PARP14: variants seen among roughly 807,000 people sequenced by gnomAD.
PARP14 encodes the protein protein mono-ADP-ribosyltransferase PARP14.
PARP14 carries 59 observed loss-of-function variants against 154.2 expected under a neutral mutation model. The ratio of observed to expected loss-of-function variants is 0.38; its 90% confidence interval spans 0.31 to 0.48. The LOEUF (loss-of-function observed/expected upper bound fraction) is 0.48. Ranked by LOEUF, PARP14 falls within the 20% of genes least tolerant of loss-of-function variation. The pLI, the probability that PARP14 is intolerant of heterozygous loss-of-function variation, is 0.98. For synonymous variants in PARP14, 720 were observed against 780.5 expected, an observed-to-expected ratio of 0.92 and a Z score of 1.29; for missense variants, 1,734 against 2,131.6, an observed-to-expected ratio of 0.81 and a Z score of 3.67.
In PARP14 at chr3:122,714,271, G is replaced by T; in HGVS notation, c.3842G>T (p.Arg1281Leu). 1.3e-6 allele frequency: 2 copies of T among 1,594,378 alleles called. No homozygotes were observed. The highest frequency in any genetic ancestry group is 1.4e-5 in the African/African-American group (1 of 73,436). Residue 1281 changes from arginine to leucine, a missense_variant, in exon 12 of 17, where the codon CGC (arginine) becomes CTC (leucine). By Grantham distance (102) the Arg-to-Leu change is moderately radical. Transcript: ENST00000474629. ...ERECSQQAQQ[R>L]KNDYIITGGG... ...TGTCTGTGTTTCCCAGCTCAGCAGC[G>T]CAAAAATGATTATATAATCACCGGA...
chr3:122,728,266 A>G (rs761652252), intron 16 of PARP14, 42 bp from the exon 17 acceptor site: 1 of 1,538,840 alleles, frequency 6.5e-7, no homozygotes, highest in Non-Finnish European at 8.9e-7. Flanking sequence ...ATCAAATTTT[A>G]CATTAACTTG....
At position 122,713,957 on chromosome 3, in the gene PARP14, G is replaced by C. The variant is rs748137214; in HGVS notation, c.3832+23G>C. 2.7e-5 allele frequency: 42 copies of C among 1,573,962 alleles called. No homozygotes were observed. In the Middle Eastern group the frequency reaches 5.0e-4, roughly 19 times the overall value. ...AAGGTAAGGCATATTCTATTTTTTG[G>C]TCCTAAGTTGTAATTGTATGGGAGG... is the stretch of plus-strand genomic sequence containing the variant. On this transcript the variant is annotated intron_variant, in intron 11 of 16. Coordinates refer to ENST00000474629, the MANE Select transcript of PARP14 (RefSeq NM_017554.3).
At chr3:122,704,883 G>A (rs1939103869) in intron 8 of PARP14, 135 bp downstream of exon 8, 1 of 606,276 alleles carries the variant, frequency 1.6e-6, no homozygotes, top group South Asian at 2.1e-5. Flanking sequence ...TATACTTGTA[G>A]TTGTAGTTGT....
intron 12 of PARP14, among the ~76,000 whole-genome samples, chr3:122,715,482 C>T (rs1297788076): frequency 1.3e-5 from 2 of 152,144 alleles, no homozygotes; most frequent in African/African-American, 4.8e-5. Context: ...GTCTATTTTA[C>T]AACTTTTCTA....
rs376393298 is a variant in PARP14, at chr3:122,723,185, C to T, written c.4941+2797C>T. Reference sequence around the variant, plus strand: ...GAACTCCTGACCTCAAGTGATCCCCCCGCCTGGGCCTCCCAAAGTGTTGGG... The same window carrying T: ...GAACTCCTGACCTCAAGTGATCCCCTCGCCTGGGCCTCCCAAAGTGTTGGG... On this transcript the variant is annotated intron_variant, in intron 15 of 16. Transcript: ENST00000474629. Among the ~76,000 whole-genome samples the T allele has an allele frequency of 6.6e-5, 10 of 152,272 alleles. No homozygotes were observed. In the East Asian group the frequency reaches 7.7e-4, roughly 12 times the overall value.
chr3:122,709,402 G>A (rs1407568939), intron 9 of PARP14, among the ~76,000 whole-genome samples: 1 of 152,206 alleles, frequency 6.6e-6, no homozygotes, highest in African/African-American at 2.4e-5. Context: ...TTTTATGGCT[G>A]AAGAGTATTC....
At chr3:122,691,102 T>A (rs1313203067) in intron 3 of PARP14, among the ~76,000 whole-genome samples, 1 of 152,200 alleles carries the variant, frequency 6.6e-6, no homozygotes, top group Non-Finnish European at 1.5e-5. Flanking sequence ...TTGAGAAATA[T>A]TGTCCAGGAA....
chr3:122,685,077 C>T (rs1444694095), intron 1 of PARP14, 108 bp from the exon 2 acceptor site: 29 of 1,232,802 alleles, frequency 2.4e-5, no homozygotes, highest in South Asian at 7.0e-5. Context: ...CTTGAGAAAC[C>T]GACCAAGCCA....
intron 3 of PARP14, among the ~76,000 whole-genome samples, chr3:122,687,349 T>C (rs1938404780): frequency 6.6e-6 from 1 of 152,186 alleles, no homozygotes; most frequent in African/African-American, 2.4e-5. Flanking sequence ...GAAGACACCT[T>C]GCAATAGAGG....
chr3:122,719,064 C>T (rs1933082321), intron 14 of PARP14, 106 bp downstream of exon 14: 3 of 1,116,730 alleles, frequency 2.7e-6, no homozygotes, highest in Non-Finnish European at 2.5e-6. Flanking sequence ...ATTCATGTGA[C>T]ACTAATGAAA....
chr3:122,714,270 C>A lies in PARP14; in HGVS notation c.3841C>A (p.Arg1281Ser), dbSNP rs531682578. 1 of 1,594,316 alleles carries A rather than the reference C, an allele frequency of 6.3e-7. No individual in the cohort carries two copies. The highest frequency in any genetic ancestry group is 8.5e-7 in the Non-Finnish European group (1 of 1,174,046). ...TTGTCTGTGTTTCCCAGCTCAGCAG[C>A]GCAAAAATGATTATATAATCACCGG... ...ERECSQQAQQ[R>S]KNDYIITGGG... is the part of the protein sequence containing the mutation. The change falls in exon 12 of 17, where the codon CGC becomes AGC. Residue 1281 changes from arginine to serine, a missense_variant. By Grantham distance (110) the Arg-to-Ser change is moderately radical. Transcript: ENST00000474629.
At chr3:122,685,164 T>C (rs760767861) in intron 1 of PARP14, 21 bp from the exon 2 acceptor site, 6 of 1,607,574 alleles carry the variant, frequency 3.7e-6, no homozygotes, top group Non-Finnish European at 5.1e-6. Flanking sequence ...TTGTCTTTTT[T>C]CCCCCCTTTG....
At chr3:122,715,268 T>C (rs1296499952) in intron 12 of PARP14, among the ~76,000 whole-genome samples, 8 of 152,158 alleles carry the variant, frequency 5.3e-5, no homozygotes, top group Admixed American at 5.2e-4. Flanking sequence ...CTTGTTCCAG[T>C]GCGAGAATAG....
Position 122,718,712 on chromosome 3 carries a change from G to A in PARP14, c.4561G>A (p.Ala1521Thr), listed in dbSNP as rs1253438286. ...IEAMIKRVRLAKEQESRADCI... is the reference protein window; with the variant it reads ...IEAMIKRVRLTKEQESRADCI... ...GGCGATGATCAAGAGAGTTCGATTG[G>A]CCAAAGAACAGGAATCCCGGGCAGA... The change falls in exon 14 of 17, where the codon GCC becomes ACC. Residue 1521 changes from alanine (A) to threonine (T), a missense_variant. By Grantham distance (58) the Ala-to-Thr change is moderately conservative. Around this residue, in one of 2 missense-constraint regions of PARP14, gnomAD observed 1,646 missense variants for 1,976.0 expected, o/e 0.83. Coordinates refer to ENST00000474629, the MANE Select transcript of PARP14 (RefSeq NM_017554.3). The A allele has an allele frequency of 4.3e-6, 7 of 1,613,464 alleles. No homozygotes were observed. The highest frequency in any genetic ancestry group is 5.9e-6 in the Non-Finnish European group (7 of 1,179,626).
chr3:122,704,094 C>T (rs898282230), intron 7 of PARP14, 116 bp downstream of exon 7: 9 of 708,664 alleles, frequency 1.3e-5, no homozygotes, highest in African/African-American at 3.6e-5. Context: ...ATAATAATCA[C>T]TCTTTTGGCA....
chr3:122,719,024 T>C (rs1933080939), intron 14 of PARP14, 66 bp downstream of exon 14: 1 of 1,386,518 alleles, frequency 7.2e-7, no homozygotes, highest in Non-Finnish European at 9.5e-7. Flanking sequence ...CACTATTTGG[T>C]ACGTACATCA....
Position 122,700,135 on chromosome 3 carries a change from G to A in PARP14, c.1581G>A (p.Lys527=). The change falls in exon 6 of 17, where the codon AAG becomes AAA. Residue 527 remains lysine, a synonymous_variant. Coordinates refer to ENST00000474629, the MANE Select transcript of PARP14 (RefSeq NM_017554.3). ...AAGCAAAGTGTGAAATCCAGGAAAA[G>A]GTGTACACCATGGCTCAGAAAAACA... ...VYKAKCEIQE[K]VYTMAQKNIQ... The A allele has an allele frequency of 1.2e-6, 2 of 1,613,644 alleles. No homozygotes were observed. Among genetic ancestry groups the A allele is most frequent in the Non-Finnish European group, 1.7e-6 (2 of 1,179,714 alleles).
At chr3:122,697,817 G>A (rs1163269341) in intron 5 of PARP14, among the ~76,000 whole-genome samples, 1 of 152,166 alleles carries the variant, frequency 6.6e-6, no homozygotes, top group African/African-American at 2.4e-5. Flanking sequence ...GATAAACTTT[G>A]TCCTTACAGA....
intron 2 of PARP14, among the ~76,000 whole-genome samples, chr3:122,685,802 C>T (rs1008988096): frequency 2.6e-5 from 4 of 151,840 alleles, no homozygotes; most frequent in African/African-American, 4.9e-5. Context: ...GCCACCGCAC[C>T]CTGCTGGGGG....
Sources: gnomAD v4.1 joint callset for allele counts (sites outside exome capture counted in the v4.1 genomes callset) on GRCh38, gnomAD v4.1.1 for gene constraint, gnomAD v4.1.1 regional missense constraint, MANE v1.5 for transcripts, NCBI Gene and HGNC (gene_info 2026-07-23, HGNC 2026-07-21) for gene names.